Variants in STXBP4 observed in about 807,000 individuals in gnomAD.
The protein encoded by STXBP4 is syntaxin-binding protein 4.
A neutral mutation model predicts 76.1 loss-of-function variants in STXBP4; 55 were observed. That is an observed-to-expected ratio of 0.72 (90% CI 0.58 to 0.91). STXBP4 has a LOEUF of 0.91. STXBP4 is among the 40% of genes least tolerant of loss of function. The probability of loss-of-function intolerance (pLI) is 0.00; values close to 1 mark genes in which losing one functional copy is unlikely to be tolerated. For synonymous variants in STXBP4, 201 were observed against 220.2 expected (o/e 0.91, Z 0.77); for missense variants, 618 against 636.9 (o/e 0.97, Z 0.32).
chr17:55,025,092 G>A (rs28415868), intron 8 of STXBP4, among the ~76,000 whole-genome samples: 1 of 150,190 alleles, frequency 6.7e-6, no homozygotes, highest in Non-Finnish European at 1.5e-5. Context: ...AGTGAGCCGA[G>A]ATCTCACCAC....
chr17:55,138,952 T>C (rs932296940), intron 16 of STXBP4, among the ~76,000 whole-genome samples: 1 of 152,132 alleles, frequency 6.6e-6, no homozygotes, highest in Non-Finnish European at 1.5e-5. Flanking sequence ...TTTTATATAA[T>C]AGATTATATG....
chr17:55,196,350 A>C, the STXBP4 span, among the ~76,000 whole-genome samples: 1 of 152,134 alleles, frequency 6.6e-6, no homozygotes, highest in Non-Finnish European at 1.5e-5. Flanking sequence ...CCCATACTCC[A>C]GCCAGCTCCA....
rs184283471 is a variant in STXBP4 at position 54,976,975 on chromosome 17, T to A, written c.-157+8160T>A. ...GTTTTCCCACACATACTTACATTTT[T>A]TCCCTGCCATATAAGCCCCTAATTT... On this transcript the variant is annotated intron_variant, in intron 1 of 17. Coordinates refer to ENST00000376352, the MANE Select transcript of STXBP4 (RefSeq NM_178509.6). 3.3e-4 allele frequency among the ~76,000 whole-genome samples: 51 copies of A among 152,258 alleles called. 2 individuals carry two copies. The highest frequency in any genetic ancestry group is 2.5e-4 in the Non-Finnish European group (17 of 68,020).
intron 16 of STXBP4, among the ~76,000 whole-genome samples, chr17:55,125,031 G>A (rs173408): frequency 0.64 from 97,009 of 152,040 alleles, 31,819 homozygotes; most frequent in African/African-American, 0.79. Context: ...CAGCCATATA[G>A]CAGGGGTGAG....
intron 16 of STXBP4, among the ~76,000 whole-genome samples, chr17:55,127,265 G>A (rs2079922749): frequency 6.6e-6 from 1 of 152,150 alleles, no homozygotes; most frequent in African/African-American, 2.4e-5. Context: ...TCAGTGTAGG[G>A]CTTTTGAGAT....
At chr17:55,177,911 C>G (rs2080436832), downstream of STXBP4, among the ~76,000 whole-genome samples, 1 of 152,214 alleles carries the variant, frequency 6.6e-6, no homozygotes, top group South Asian at 2.1e-4. Context: ...TGCAGCTGTT[C>G]CACTCCCTAA....
chr17:55,090,090 A>G (rs992278006), intron 16 of STXBP4, among the ~76,000 whole-genome samples: 3 of 152,024 alleles, frequency 2.0e-5, no homozygotes, highest in Non-Finnish European at 2.9e-5. Context: ...GCAGGAGGAC[A>G]CTCTTAATAT....
Sources: gnomAD v4.1 joint callset for allele counts (sites outside exome capture counted in the v4.1 genomes callset) on GRCh38, gnomAD v4.1.1 for gene constraint, MANE v1.5 for transcripts, NCBI Gene and HGNC (gene_info 2026-07-23, HGNC 2026-07-21) for gene names.